The following FBLN1 variants were observed in gnomAD, a reference collection of about 807,000 sequenced individuals.
FBLN1 encodes fibulin 1.
A neutral mutation model predicts 89.7 loss-of-function variants in FBLN1; 34 were observed. The ratio of observed to expected loss-of-function variants is 0.38; its 90% confidence interval spans 0.29 to 0.50. The LOEUF is 0.50. FBLN1 is among the 20% of genes least tolerant of loss of function. The pLI, the probability that FBLN1 is intolerant of heterozygous loss-of-function variation, is 0.92. For synonymous variants in FBLN1, 393 were observed against 391.3 expected (o/e 1.00, Z -0.05); for missense variants, 777 against 988.1 (o/e 0.79, Z 2.86).
chr22:45,592,482 C>T (rs1219786253), intron 16 of FBLN1, among the ~76,000 whole-genome samples: 2 of 152,150 alleles, frequency 1.3e-5, no homozygotes, highest in African/African-American at 2.4e-5. Context: ...CGCCTGCCAC[C>T]ATGCCCAGCT....
chr22:45,558,268 T>C (rs1306391900), intron 14 of FBLN1: 14 of 502,202 alleles, frequency 2.8e-5, no homozygotes, highest in African/African-American at 1.2e-4. Flanking sequence ...ACCAACTTTA[T>C]GGCTAGATGG....
chr22:45,599,097 C>T (rs1015482064), intron 16 of FBLN1, among the ~76,000 whole-genome samples: 21 of 152,212 alleles, frequency 1.4e-4, no homozygotes, highest in African/African-American at 4.6e-4. Context: ...TAACCCGGAT[C>T]CCCTGGAATC....
At position 45,506,307 on chromosome 22, in the gene FBLN1, G is replaced by T. The variant is rs571020262; in HGVS notation, c.79+3243G>T. ...TTCCCAGCCAGGCGCTGAGCAGAAG[G>T]CCCCATGGGGCTATAGGACTGGTAG... On this transcript the variant is annotated intron_variant, in intron 1 of 16. Transcript: ENST00000327858. 1.2e-4 allele frequency among the ~76,000 whole-genome samples: 19 copies of T among 152,364 alleles called. No homozygotes were observed. The South Asian group carries it at 2.7e-3, about 22-fold the overall frequency.
intron 16 of FBLN1, among the ~76,000 whole-genome samples, chr22:45,596,028 C>A (rs1601548437): frequency 6.6e-6 from 1 of 152,270 alleles, no homozygotes; most frequent in South Asian, 2.1e-4. Flanking sequence ...TCCCACCACG[C>A]TCGGCTAATT....
intron 7 of FBLN1, among the ~76,000 whole-genome samples, chr22:45,534,984 G>A (rs774417672): frequency 3.3e-5 from 5 of 152,108 alleles, no homozygotes; most frequent in Non-Finnish European, 7.4e-5. Context: ...CCTCATAAGA[G>A]CCTTGGGAAA....
At chr22:45,519,347 G>A (rs1048966876) in intron 2 of FBLN1, among the ~76,000 whole-genome samples, 4 of 152,156 alleles carry the variant, frequency 2.6e-5, no homozygotes, top group Non-Finnish European at 5.9e-5. Context: ...GAAGCCGGGC[G>A]CGGTGGCTCA....
At chr22:45,529,875 T>A (rs908928933) in intron 4 of FBLN1, among the ~76,000 whole-genome samples, 9 of 151,494 alleles carry the variant, frequency 5.9e-5, no homozygotes, top group Non-Finnish European at 7.4e-5. Context: ...TCAAAAAAAA[T>A]AATAAAATAA....
Position 45,577,274 on chromosome 22 carries a change from C to A in FBLN1, c.1972+166C>A, listed in dbSNP as rs980867674. On this transcript the variant is annotated intron_variant, in intron 16 of 16. Coordinates refer to ENST00000327858, the MANE Select transcript of FBLN1 (RefSeq NM_006486.3). This position sits in a 1 kb window ranked among gnomAD's most constrained non-coding sequence, Gnocchi z 6.6. ...ACCACAGCTCCCAATCGGTCTCGGC[C>A]GGAGGAACAGCCAGAGTGGGGGATC... 7.9e-5 allele frequency among the ~76,000 whole-genome samples: 12 copies of A among 152,072 alleles called. No homozygotes were observed. Among genetic ancestry groups the A allele is most frequent in the African/African-American group, 2.7e-4 (11 of 41,412 alleles).
At position 45,531,750 on chromosome 22, in the gene FBLN1, A is replaced by T. The variant is rs1156846660; in HGVS notation, c.544+426A>T. On this transcript the variant is annotated intron_variant, in intron 5 of 16. Transcript: ENST00000327858. The surrounding 1 kb of genome is among the most constrained non-coding windows in gnomAD (Gnocchi z 4.9). ...GAGGGGAAGGGTGGGCTTACCAAGG[A>T]GGGGCCCTGGTGAGGCCCTGCTGGG... 1.3e-5 allele frequency among the ~76,000 whole-genome samples: 2 copies of T among 152,086 alleles called. 1 individual carries two copies. The highest frequency in any genetic ancestry group is 2.9e-5 in the Non-Finnish European group (2 of 68,008).
intron 11 of FBLN1, among the ~76,000 whole-genome samples, chr22:45,546,222 GTTA>G (rs1203877545): frequency 1.3e-5 from 2 of 151,002 alleles, no homozygotes; most frequent in Admixed American, 6.6e-5. Context: ...TTATTTTATT[GTTA>G]TTATTATTTT....
chr22:45,574,601 C>T lies in FBLN1; in HGVS notation c.1788C>T (p.Ile596=). The change falls in exon 15 of 17, where the codon ATC becomes ATT. Residue 596 remains isoleucine (I), a synonymous_variant. Coordinates refer to ENST00000327858, the MANE Select transcript of FBLN1 (RefSeq NM_006486.3). This position sits in a 1 kb window ranked among gnomAD's most constrained non-coding sequence, Gnocchi z 4.1. Reference sequence around the variant, plus strand: ...GCGTGTTCGACCCCGTGCACACCATCTCCCACACCGTCATCTCGCTGCCTA... The same window carrying T: ...GCGTGTTCGACCCCGTGCACACCATTTCCCACACCGTCATCTCGCTGCCTA... The part of the protein sequence containing the change: ...VTCVFDPVHT[I]SHTVISLPTF... 1.9e-6 allele frequency: 3 copies of T among 1,614,200 alleles called. No homozygotes were observed. The highest frequency in any genetic ancestry group is 1.3e-5 in the African/African-American group (1 of 75,066).
chr22:45,573,224 CAAATAAAT>C (rs531457672), intron 14 of FBLN1, among the ~76,000 whole-genome samples: 48 of 150,958 alleles, frequency 3.2e-4, no homozygotes, highest in African/African-American at 9.2e-4. Context: ...AACTCCGTCT[CAAATAAAT>C]AAATAAATAA....
intron 14 of FBLN1, among the ~76,000 whole-genome samples, chr22:45,553,325 A>G (rs2088729766): frequency 6.6e-6 from 1 of 152,194 alleles, no homozygotes. Flanking sequence ...CTAACGCATG[A>G]CATGGCCCAG....
In FBLN1 at chr22:45,600,579, T is replaced by A; in HGVS notation, c.*133T>A. The A allele has an allele frequency of 9.7e-7, 1 of 1,030,744 alleles. No individual in the cohort carries two copies. The highest frequency in any genetic ancestry group is 1.5e-6 in the Non-Finnish European group (1 of 654,688). 63.8% of individuals were successfully genotyped at this position (1,030,744 alleles called of 1,614,324 possible). On this transcript the variant is annotated 3_prime_UTR_variant, in exon 17 of 17. Transcript: ENST00000327858. ...TTTGTAGCATTAGGCCAACATGTAT[T>A]AAGCTGAGCCAGATGAATAAGTCCA... is the stretch of plus-strand genomic sequence containing the variant.
At chr22:45,596,089 T>C (rs2089183151) in intron 16 of FBLN1, among the ~76,000 whole-genome samples, 1 of 152,222 alleles carries the variant, frequency 6.6e-6, no homozygotes, top group Non-Finnish European at 1.5e-5. Flanking sequence ...CAGGATGGTC[T>C]TGATCTCCTG....
intron 16 of FBLN1, among the ~76,000 whole-genome samples, chr22:45,586,015 C>CA (rs2146657140): frequency 8.5e-6 from 1 of 117,656 alleles, no homozygotes; most frequent in South Asian, 3.0e-4. Flanking sequence ...CCAGACCCCT[C>CA]AGAAGGCTTG....
Position 45,582,160 on chromosome 22 carries a change from C to T in FBLN1, c.1972+5052C>T, listed in dbSNP as rs556563417. Among the ~76,000 whole-genome samples, 7 of 152,310 alleles carry T rather than the reference C, an allele frequency of 4.6e-5. No individual in the cohort carries two copies. In the East Asian group the frequency reaches 1.4e-3, roughly 29 times the overall value. Reference sequence around the variant, plus strand: ...AGGATAGGGCTTAGACCTGAACTGCCCAGATCCGGGACTCCCCATCCCCAT... The same window carrying T: ...AGGATAGGGCTTAGACCTGAACTGCTCAGATCCGGGACTCCCCATCCCCAT... On this transcript the variant is annotated intron_variant, in intron 16 of 16. Coordinates refer to ENST00000327858, the MANE Select transcript of FBLN1 (RefSeq NM_006486.3).
chr22:45,563,500 CG>C lies in FBLN1; in HGVS notation c.1698-11006del, dbSNP rs2088874794. 1 of 829,766 alleles carries C rather than the reference CG, an allele frequency of 1.2e-6. No individual in the cohort carries two copies. The highest frequency in any genetic ancestry group is 1.8e-6 in the Non-Finnish European group (1 of 550,592). 51.4% of individuals were successfully genotyped at this position (829,766 alleles called of 1,614,324 possible). On this transcript the variant is annotated intron_variant, in intron 14 of 16. Coordinates refer to ENST00000327858, the MANE Select transcript of FBLN1 (RefSeq NM_006486.3). This position sits in a 1 kb window ranked among gnomAD's most constrained non-coding sequence, Gnocchi z 5.7. ...CGCTCCCCACTAGAGGGTGTGTGCTCGGGGGTCCCTGTTCACAGAGCCCACT... is the reference window on the plus strand; with the variant it reads ...CGCTCCCCACTAGAGGGTGTGTGCTCGGGGTCCCTGTTCACAGAGCCCACT...
chr22:45,553,521 G>A (rs1274917628), intron 14 of FBLN1, among the ~76,000 whole-genome samples: 1 of 152,258 alleles, frequency 6.6e-6, no homozygotes, highest in Non-Finnish European at 1.5e-5. Context: ...TTGCCAGACA[G>A]TTATGTTTCT....
Sources: gnomAD v4.1 joint callset for allele counts (sites outside exome capture counted in the v4.1 genomes callset) on GRCh38, gnomAD v4.1.1 for gene constraint, Gnocchi (gnomAD v3.1) non-coding constraint, MANE v1.5 for transcripts, NCBI Gene and HGNC (gene_info 2026-07-23, HGNC 2026-07-21) for gene names.